CTSC: variants seen among roughly 807,000 people sequenced by gnomAD.
The protein encoded by CTSC is cathepsin C.
In CTSC, 37 loss-of-function variants were observed where a neutral mutation model predicts 40.9. That is an observed-to-expected ratio of 0.91 (90% CI 0.70 to 1.19). CTSC has a LOEUF of 1.19. Ranked by LOEUF, CTSC falls within the 50% of genes most tolerant of loss-of-function variation. The pLI, the probability that CTSC is intolerant of heterozygous loss-of-function variation, is 0.00. For synonymous variants in CTSC, 232 were observed against 207.4 expected, an observed-to-expected ratio of 1.12 and a Z score of -1.02; for missense variants, 594 against 567.3, an observed-to-expected ratio of 1.05 and a Z score of -0.48.
chr11:88,337,400 A>C, intron 1 of CTSC, 101 bp downstream of exon 1: 2 of 1,233,256 alleles, frequency 1.6e-6, no homozygotes, highest in African/African-American at 3.0e-5. Flanking sequence ...CTGGCCACCC[A>C]CAAGCGTCTG....
rs1204970382 is a variant in CTSC at position 88,334,988 on chromosome 11, G to A, written c.267C>T (p.Asn89=). ...GNSGHFTIIY[N]QGFEIVLNDY... ...CATTCAACACAATCTCAAAGCCTTG[G>A]TTGTAAATGATGGTGAAATGGCCAG... is the stretch of plus-strand genomic sequence containing the variant. The change falls in exon 2 of 7, where the codon AAC becomes AAT. Residue 89 remains asparagine (N), a synonymous_variant. Coordinates refer to ENST00000227266, the MANE Select transcript of CTSC (RefSeq NM_001814.6). 1.2e-6 allele frequency: 2 copies of A among 1,611,916 alleles called. No homozygotes were observed. Among genetic ancestry groups the A allele is most frequent in the South Asian group, 2.2e-5 (2 of 91,026 alleles).
Position 88,312,547 on chromosome 11 carries a change from T to G in CTSC, c.326A>C (p.Glu109Ala). 1 of 1,614,122 alleles carries G rather than the reference T, an allele frequency of 6.2e-7. No individual in the cohort carries two copies. Among genetic ancestry groups the G allele is most frequent in the South Asian group, 1.1e-5 (1 of 91,074 alleles). Residue 109 changes from glutamate (E) to alanine (A), a missense_variant, in exon 3 of 7, where the codon GAA (glutamate) becomes GCA (alanine). Physicochemically the swap from Glu to Ala is moderately radical, Grantham distance 107 (BLOSUM62 -1). Transcript: ENST00000227266. ...YKWFAFFKYK[E>A]EGSKVTTYCN... ...GTAAGTGGTCACCTTGCTGCCCTCT[T>G]CTTTATACTGCAAACAAATAAGAGA...
rs143156903 is a variant in CTSC at position 88,310,401 on chromosome 11, C to T, written c.486-1083G>A. Among the ~76,000 whole-genome samples the T allele has an allele frequency of 3.6e-3, 554 of 152,166 alleles. 4 individuals are homozygous for T. Among genetic ancestry groups the T allele is most frequent in the Non-Finnish European group, 2.8e-3 (191 of 67,992 alleles). On this transcript the variant is annotated intron_variant, in intron 3 of 6. Coordinates refer to ENST00000227266, the MANE Select transcript of CTSC (RefSeq NM_001814.6). ...GCTAGATGCTAGGAATTATAGAACT[C>T]ACCATATTATTACTATTAAAAAAGA...
intron 4 of CTSC, among the ~76,000 whole-genome samples, chr11:88,306,522 C>G (rs117713332): frequency 0.025 from 3,757 of 151,858 alleles, 69 homozygotes; most frequent in Non-Finnish European, 0.043. Flanking sequence ...AACAGAGCGG[C>G]ACAGAGCTGT....
intron 4 of CTSC, among the ~76,000 whole-genome samples, chr11:88,306,530 T>C (rs1349694056): frequency 6.7e-6 from 1 of 149,996 alleles, no homozygotes; most frequent in Non-Finnish European, 1.5e-5. Flanking sequence ...GGCACAGAGC[T>C]GTGGAGAGTG....
chr11:88,309,391 A>G, intron 3 of CTSC, 73 bp from the exon 4 acceptor site: 1 of 1,293,972 alleles, frequency 7.7e-7, no homozygotes, highest in Non-Finnish European at 1.1e-6. Flanking sequence ...ACAGGCATTC[A>G]CACTCTGTGC....
In CTSC at chr11:88,326,120, C is replaced by T. The variant is rs1938176447; in HGVS notation, c.318+8817G>A. On this transcript the variant is annotated intron_variant, in intron 2 of 6. Transcript: ENST00000227266. ...TTGTTCCTTTTATTAAAAAACTGAA[C>T]GGTGAAGCCACCCAAGATTTTGCAT... 13 of 1,295,154 alleles carry T rather than the reference C, an allele frequency of 1.0e-5. No individual in the cohort carries two copies. In the South Asian group the frequency reaches 2.2e-4, roughly 22 times the overall value. 80.2% of individuals were successfully genotyped at this position (1,295,154 alleles called of 1,614,324 possible).
intron 2 of CTSC, chr11:88,326,085 G>T: frequency 6.7e-6 from 8 of 1,192,816 alleles, no homozygotes; most frequent in Non-Finnish European, 8.3e-6. Context: ...AAAGAACAAC[G>T]TGTTGTATAT....
At position 88,337,689 on chromosome 11, in the gene CTSC, A is replaced by T; in HGVS notation, c.-17T>A. 6.4e-7 allele frequency: 1 copy of T among 1,561,604 alleles called. No homozygotes were observed. Among genetic ancestry groups the T allele is most frequent in the Non-Finnish European group, 8.7e-7 (1 of 1,152,750 alleles). On this transcript the variant is annotated 5_prime_UTR_variant, in exon 1 of 7. Transcript: ENST00000227266. ...AGCACCCATGCTGCAGGGAGCTGAG[A>T]AAAGAGGTGAAGAATTACCAGGAAG...
intron 1 of CTSC, among the ~76,000 whole-genome samples, chr11:88,335,306 A>T (rs896310838): frequency 1.3e-5 from 2 of 152,028 alleles, no homozygotes; most frequent in Non-Finnish European, 2.9e-5. Context: ...GAGATAATGC[A>T]AGCAGAAGCA....
intron 2 of CTSC, among the ~76,000 whole-genome samples, chr11:88,320,455 ATGT>A (rs1937975549): frequency 6.6e-6 from 1 of 152,200 alleles, no homozygotes; most frequent in Non-Finnish European, 1.5e-5. Context: ...TCCTCAGCTC[ATGT>A]TCCTCACTAT....
At chr11:88,302,539 T>A (rs1231478398) in intron 4 of CTSC, among the ~76,000 whole-genome samples, 1 of 141,212 alleles carries the variant, frequency 7.1e-6, no homozygotes, top group Non-Finnish European at 1.5e-5. Flanking sequence ...GGCAGGAGAA[T>A]GGCATGAACC....
intron 2 of CTSC, among the ~76,000 whole-genome samples, chr11:88,316,357 C>G (rs1937877089): frequency 2.0e-5 from 3 of 152,000 alleles, no homozygotes; most frequent in African/African-American, 7.3e-5. Flanking sequence ...GCCTTTAATC[C>G]CAGCACTTTG....
chr11:88,307,237 TC>T (rs1937654984), intron 4 of CTSC, among the ~76,000 whole-genome samples: 1 of 152,168 alleles, frequency 6.6e-6, no homozygotes, highest in Non-Finnish European at 1.5e-5. Flanking sequence ...ATATAATTTT[TC>T]AAATTCTGCT....
intron 3 of CTSC, among the ~76,000 whole-genome samples, chr11:88,311,662 C>A (rs1937760596): frequency 6.6e-6 from 1 of 152,154 alleles, no homozygotes; most frequent in Non-Finnish European, 1.5e-5. Flanking sequence ...GTATCACAGC[C>A]ATATGACTGT....
At chr11:88,295,537 G>A (rs1001727030) in intron 6 of CTSC, among the ~76,000 whole-genome samples, 2 of 151,668 alleles carry the variant, frequency 1.3e-5, no homozygotes, top group African/African-American at 4.8e-5. Context: ...ACACCACCAC[G>A]CCCAGCTAAT....
At chr11:88,336,038 T>A (rs1445855504) in intron 1 of CTSC, among the ~76,000 whole-genome samples, 2 of 152,134 alleles carry the variant, frequency 1.3e-5, no homozygotes, top group Non-Finnish European at 2.9e-5. Flanking sequence ...GACCTGTGGG[T>A]GCCTTTAATT....
intron 4 of CTSC, 141 bp from the exon 5 acceptor site, chr11:88,300,786 T>C: frequency 1.5e-6 from 1 of 662,544 alleles, no homozygotes; most frequent in Non-Finnish European, 2.7e-6. Flanking sequence ...GTTTTATGAG[T>C]GATTCAATGT....
In CTSC at chr11:88,296,202, G is replaced by C; in HGVS notation, c.820C>G (p.Leu274Val). 6.2e-7 allele frequency: 1 copy of C among 1,614,020 alleles called. No individual in the cohort carries two copies. Among genetic ancestry groups the C allele is most frequent in the Non-Finnish European group, 8.5e-7 (1 of 1,179,926 alleles). The change falls in exon 6 of 7, where the codon CTA (leucine) becomes GTA (valine). Residue 274 changes from leucine (L) to valine (V), a missense_variant. Coordinates refer to ENST00000227266, the MANE Select transcript of CTSC (RefSeq NM_001814.6). ...ATTGGGGTCTGAGAATTGTTGGTTAGTATACGGATTCTCGCTTCTAGCATA... is the reference window on the plus strand; with the variant it reads ...ATTGGGGTCTGAGAATTGTTGGTTACTATACGGATTCTCGCTTCTAGCATA... ...MGMLEARIRI[L>V]TNNSQTPILS...
Sources: allele counts gnomAD v4.1 joint callset (sites outside exome capture counted in the v4.1 genomes callset), GRCh38; gene constraint gnomAD v4.1.1; transcripts MANE v1.5; gene names NCBI Gene and HGNC (gene_info 2026-07-23, HGNC 2026-07-21).